Variants in SLC13A1 observed in about 807,000 individuals in gnomAD.
SLC13A1 encodes the protein Na(+)/sulfate cotransporter.
Under a neutral mutation model 70.0 loss-of-function variants are expected in SLC13A1, and 65 were observed. The ratio of observed to expected loss-of-function variants is 0.93; its 90% CI spans 0.76 to 1.14. SLC13A1 has a LOEUF of 1.14. Ranked by LOEUF, SLC13A1 falls within the 50% of genes most tolerant of loss-of-function variation. The pLI is 0.00. For synonymous variants in SLC13A1, 275 were observed against 250.5 expected (o/e 1.10, Z -0.92); for missense variants, 726 against 717.8 (o/e 1.01, Z -0.13).
intron 6 of SLC13A1, among the ~76,000 whole-genome samples, 187 bp downstream of exon 6, chr7:123,168,187 T>C (rs1019822030): frequency 8.5e-5 from 13 of 152,212 alleles, no homozygotes; most frequent in South Asian, 2.1e-4. Context: ...AAATGGTTCC[T>C]ATCCAGATGT....
chr7:123,173,973 T>A (rs1341968000), intron 2 of SLC13A1, among the ~76,000 whole-genome samples: 1 of 148,944 alleles, frequency 6.7e-6, no homozygotes, highest in African/African-American at 2.6e-5. Context: ...GGAAGCTGTT[T>A]TTTTTTTTTT....
At chr7:123,149,732 T>TCA (rs1487841999) in intron 6 of SLC13A1, 1 of 415,384 alleles carries the variant, frequency 2.4e-6, no homozygotes, top group Non-Finnish European at 4.8e-6. Context: ...GGCACAGTTA[T>TCA]CACAGTTTCT....
At chr7:123,140,621 A>G (rs899148671) in intron 7 of SLC13A1, among the ~76,000 whole-genome samples, 10 of 152,138 alleles carry the variant, frequency 6.6e-5, no homozygotes, top group African/African-American at 2.4e-4. Flanking sequence ...TAGTTTGTTC[A>G]GGTTTTGGAT....
intron 2 of SLC13A1, among the ~76,000 whole-genome samples, chr7:123,174,306 C>T (rs1268023102): frequency 1.3e-5 from 2 of 152,018 alleles, no homozygotes; most frequent in Non-Finnish European, 2.9e-5. Flanking sequence ...TTGAATTTCC[C>T]ACAAACACCT....
chr7:123,164,096 A>G (rs1171649001), intron 6 of SLC13A1, among the ~76,000 whole-genome samples: 1 of 152,044 alleles, frequency 6.6e-6, no homozygotes, highest in Non-Finnish European at 1.5e-5. Flanking sequence ...TTTTGGATAA[A>G]GTAGGGTAGA....
chr7:123,184,731 A>G (rs1468137130), intron 1 of SLC13A1, among the ~76,000 whole-genome samples: 1 of 151,974 alleles, frequency 6.6e-6, no homozygotes, highest in Non-Finnish European at 1.5e-5. Flanking sequence ...GTTGATGAAC[A>G]CTTAGGTTGA....
intron 6 of SLC13A1, among the ~76,000 whole-genome samples, chr7:123,163,617 C>A (rs1252431045): frequency 6.6e-6 from 1 of 152,058 alleles, no homozygotes; most frequent in Non-Finnish European, 1.5e-5. Context: ...AATTTTAGAG[C>A]TGATAAATTT....
At chr7:123,164,606 T>C (rs889366581) in intron 6 of SLC13A1, among the ~76,000 whole-genome samples, 3 of 152,022 alleles carry the variant, frequency 2.0e-5, no homozygotes, top group African/African-American at 2.4e-5. Flanking sequence ...CTTCCTTTTT[T>C]TCATTTTCAT....
intron 6 of SLC13A1, among the ~76,000 whole-genome samples, chr7:123,156,476 A>C (rs1794720575): frequency 6.6e-6 from 1 of 152,114 alleles, no homozygotes; most frequent in South Asian, 2.1e-4. Flanking sequence ...TGATGTAACT[A>C]AAAAGGGAAC....
intron 6 of SLC13A1, among the ~76,000 whole-genome samples, chr7:123,147,885 C>G (rs1433905925): frequency 3.9e-5 from 6 of 152,122 alleles, no homozygotes; most frequent in African/African-American, 4.8e-5. Context: ...TTCCTTCTCA[C>G]CACTACTCCC....
intron 1 of SLC13A1, among the ~76,000 whole-genome samples, chr7:123,198,903 G>A (rs947839935): frequency 2.6e-5 from 4 of 152,066 alleles, no homozygotes; most frequent in Admixed American, 2.6e-4. Flanking sequence ...CTTACTGTGT[G>A]CCAGGCACTG....
chr7:123,117,654 G>C, intron 13 of SLC13A1, 46 bp from the exon 14 acceptor site: 1 of 1,322,978 alleles, frequency 7.6e-7, no homozygotes, highest in Non-Finnish European at 1.0e-6. Flanking sequence ...TTTGAGGGTA[G>C]ACACGAAACA....
intron 8 of SLC13A1, among the ~76,000 whole-genome samples, chr7:123,129,740 CA>C (rs1793692674): frequency 6.6e-6 from 1 of 152,158 alleles, no homozygotes; most frequent in Admixed American, 6.6e-5. Context: ...TTTTCCATGA[CA>C]TCCTTTACCA....
At chr7:123,189,797 C>A (rs892109504) in intron 1 of SLC13A1, among the ~76,000 whole-genome samples, 1 of 151,100 alleles carries the variant, frequency 6.6e-6, no homozygotes, top group African/African-American at 2.4e-5. Flanking sequence ...AGATTTTTTT[C>A]TTCTCTATTT....
intron 8 of SLC13A1, among the ~76,000 whole-genome samples, chr7:123,133,821 T>C (rs748954946): frequency 4.3e-4 from 66 of 152,040 alleles, no homozygotes; most frequent in Admixed American, 8.5e-4. Flanking sequence ...TGAGCCACTG[T>C]GCCTGGCCCT....
intron 3 of SLC13A1, 133 bp downstream of exon 3, chr7:123,171,635 A>G: frequency 1.1e-6 from 1 of 910,908 alleles, no homozygotes. Context: ...TCATATTTGC[A>G]GAGGAAAAAA....
chr7:123,153,069 T>C (rs916369319), intron 6 of SLC13A1, among the ~76,000 whole-genome samples: 1 of 151,932 alleles, frequency 6.6e-6, no homozygotes, highest in East Asian at 1.9e-4. Context: ...TTCAAAAATA[T>C]AAATAAAGAA....
rs761150955 is a variant in SLC13A1 at position 123,171,772 on chromosome 7, C to A, written c.361G>T (p.Ala121Ser). The A allele has an allele frequency of 7.4e-6, 12 of 1,613,564 alleles. No homozygotes were observed. In the South Asian group the frequency reaches 8.8e-5, roughly 12 times the overall value. Reference sequence around the variant, plus strand: ...AGCAGTAAATGCAGTACTTACCATGCAGGATTTACACCAACCATCATCACC... The same window carrying A: ...AGCAGTAAATGCAGTACTTACCATGAAGGATTTACACCAACCATCATCACC... ...KMVMMVGVNP[A>S]WLTLGFMSST... Residue 121 changes from alanine (A) to serine (S), a missense_variant, in exon 3 of 15, where the codon GCA becomes TCA. Physicochemically the swap from Ala to Ser is moderately conservative, Grantham distance 99. Transcript: ENST00000194130.
At chr7:123,158,067 A>G (rs1402465216) in intron 6 of SLC13A1, among the ~76,000 whole-genome samples, 2 of 152,106 alleles carry the variant, frequency 1.3e-5, no homozygotes, top group African/African-American at 2.4e-5. Flanking sequence ...ATAGGACTTA[A>G]AGAATTTCCA....
Sources: gnomAD v4.1 joint callset for allele counts (sites outside exome capture counted in the v4.1 genomes callset) on GRCh38, gnomAD v4.1.1 for gene constraint, MANE v1.5 for transcripts, NCBI Gene and HGNC (gene_info 2026-07-23, HGNC 2026-07-21) for gene names.